The following SHB variants were observed in gnomAD, a reference collection of about 807,000 sequenced individuals.
SHB encodes SH2 domain-containing adapter protein B.
SHB carries 20 observed loss-of-function variants against 52.3 expected under a neutral mutation model. The observed-to-expected ratio is 0.38, with a 90% CI of 0.27 to 0.56. The LOEUF (loss-of-function observed/expected upper bound fraction) is 0.56, where lower values mean the gene tolerates loss of function less well. Ranked by LOEUF, SHB falls within the 20% of genes least tolerant of loss-of-function variation. The pLI is 0.71. For synonymous variants in SHB, 397 were observed against 316.5 expected (o/e 1.25, Z -2.70); for missense variants, 825 against 723.3 (o/e 1.14, Z -1.61).
At chr9:37,999,221 C>G (rs964991399) in intron 2 of SHB, among the ~76,000 whole-genome samples, 2 of 152,098 alleles carry the variant, frequency 1.3e-5, no homozygotes, top group African/African-American at 4.8e-5. Context: ...CTAGCCAGGC[C>G]TGGGAAACTC....
chr9:38,044,084 A>T (rs895511671), intron 1 of SHB, among the ~76,000 whole-genome samples: 1 of 152,150 alleles, frequency 6.6e-6, no homozygotes, highest in East Asian at 1.9e-4. Context: ...CACATAAATT[A>T]CAGGGAGGAG....
At chr9:38,016,230 G>T in intron 1 of SHB, 99 bp from the exon 2 acceptor site, 1 of 1,286,942 alleles carries the variant, frequency 7.8e-7, no homozygotes, top group Non-Finnish European at 1.1e-6. Flanking sequence ...TGAGCAAGGA[G>T]AGGCAGGGGA....
intron 2 of SHB, among the ~76,000 whole-genome samples, chr9:38,002,789 C>G (rs1821033943): frequency 6.6e-6 from 1 of 152,198 alleles, no homozygotes; most frequent in East Asian, 1.9e-4. Flanking sequence ...TGAATTTTAA[C>G]TGCAGTACTA....
At chr9:37,938,804 G>T (rs1327973109) in intron 5 of SHB, among the ~76,000 whole-genome samples, 1 of 152,252 alleles carries the variant, frequency 6.6e-6, no homozygotes, top group African/African-American at 2.4e-5. Context: ...GTCTGGCACT[G>T]CCGGGTTGGG....
intron 3 of SHB, among the ~76,000 whole-genome samples, chr9:37,966,940 A>G (rs1820534087): frequency 6.6e-6 from 1 of 152,206 alleles, no homozygotes; most frequent in African/African-American, 2.4e-5. Context: ...CGAGGGCAAC[A>G]TGGTATGGGT....
intron 2 of SHB, among the ~76,000 whole-genome samples, chr9:38,014,817 A>T (rs1821190160): frequency 6.6e-6 from 1 of 152,238 alleles, no homozygotes; most frequent in African/African-American, 2.4e-5. Flanking sequence ...CAGATCCTTC[A>T]ACAATCAACC....
chr9:38,014,056 C>T (rs1821178388), intron 2 of SHB, among the ~76,000 whole-genome samples: 1 of 152,198 alleles, frequency 6.6e-6, no homozygotes, highest in Admixed American at 6.5e-5. Flanking sequence ...GCAAACACTA[C>T]ACTTCCTTCA....
At chr9:38,057,359 T>C (rs1194017107) in intron 1 of SHB, among the ~76,000 whole-genome samples, 1 of 152,182 alleles carries the variant, frequency 6.6e-6, no homozygotes, top group African/African-American at 2.4e-5. Flanking sequence ...AGTAGTAAAA[T>C]GTTAATGGTG....
intron 1 of SHB, among the ~76,000 whole-genome samples, chr9:38,027,927 G>A (rs1275399809): frequency 6.7e-6 from 1 of 149,184 alleles, no homozygotes; most frequent in Non-Finnish European, 1.5e-5. Flanking sequence ...TGAGCCAAGA[G>A]GTCTCTTCTG....
chr9:38,066,403 A>G (rs2118206033), intron 1 of SHB, among the ~76,000 whole-genome samples: 1 of 152,242 alleles, frequency 6.6e-6, no homozygotes, highest in Non-Finnish European at 1.5e-5. Context: ...CACCAAGCCA[A>G]GCTTCAGCCA....
intron 4 of SHB, among the ~76,000 whole-genome samples, chr9:37,954,365 G>A (rs375239601): frequency 1.3e-5 from 2 of 152,170 alleles, no homozygotes; most frequent in African/African-American, 4.8e-5. Flanking sequence ...AATACAGTAC[G>A]TGACACACAC....
At chr9:37,999,348 G>T (rs966811044) in intron 2 of SHB, among the ~76,000 whole-genome samples, 2 of 152,194 alleles carry the variant, frequency 1.3e-5, no homozygotes, top group Admixed American at 6.5e-5. Context: ...CCTGCAAGGG[G>T]TGAAGGAAGC....
At chr9:37,969,089 C>T (rs1268426976) in intron 3 of SHB, among the ~76,000 whole-genome samples, 1 of 152,158 alleles carries the variant, frequency 6.6e-6, no homozygotes, top group African/African-American at 2.4e-5. Flanking sequence ...GTGTAGATGT[C>T]GCAGAAATTA....
intron 5 of SHB, among the ~76,000 whole-genome samples, chr9:37,924,784 T>G (rs1193278181): frequency 6.6e-6 from 1 of 152,244 alleles, no homozygotes; most frequent in Non-Finnish European, 1.5e-5. Flanking sequence ...GTTGTTAGAA[T>G]GATCACTGTT....
chr9:38,063,352 T>C (rs971037204), intron 1 of SHB, among the ~76,000 whole-genome samples: 1 of 152,256 alleles, frequency 6.6e-6, no homozygotes, highest in African/African-American at 2.4e-5. Flanking sequence ...GCAAGGCACA[T>C]GGGACTTTCT....
chr9:37,947,653 C>G (rs996934131), intron 5 of SHB, among the ~76,000 whole-genome samples: 16 of 152,330 alleles, frequency 1.1e-4, no homozygotes, highest in Admixed American at 7.8e-4. Context: ...CAGTCGTGAG[C>G]AGAGAACACA....
At chr9:38,015,923 G>T in intron 2 of SHB, 88 bp downstream of exon 2, 2 of 1,365,250 alleles carry the variant, frequency 1.5e-6, no homozygotes, top group Non-Finnish European at 2.0e-6. Flanking sequence ...CCCCAGTGAG[G>T]CTGGTTGGGG....
chr9:37,916,650 T>C lies in SHB; in HGVS notation c.*3171A>G, dbSNP rs1281080725. The stretch of plus-strand genomic sequence containing the variant: ...CTGCCTCCTGAAGCCTCGGAGTCTT[T>C]GCACCCCTTTCCTGGGAACAGCTAC... On this transcript the variant is annotated 3_prime_UTR_variant, in exon 6 of 6. Transcript: ENST00000377707. Among the ~76,000 whole-genome samples the C allele has an allele frequency of 1.3e-5, 2 of 152,370 alleles. No homozygotes were observed. The highest frequency in any genetic ancestry group is 3.9e-4 in the East Asian group (2 of 5,182).
chr9:37,950,383 G>C (rs1408121882), intron 4 of SHB, among the ~76,000 whole-genome samples: 1 of 151,912 alleles, frequency 6.6e-6, no homozygotes, highest in Non-Finnish European at 1.5e-5. Flanking sequence ...CTCCTGCCTC[G>C]GCCTCCCAAG....
Sources: allele counts gnomAD v4.1 joint callset (sites outside exome capture counted in the v4.1 genomes callset), GRCh38; gene constraint gnomAD v4.1.1; transcripts MANE v1.5; gene names NCBI Gene and HGNC (gene_info 2026-07-23, HGNC 2026-07-21).